The following STX18 variants were observed in gnomAD, a reference collection of about 807,000 sequenced individuals.
STX18 encodes syntaxin 18.
STX18 carries 40 observed loss-of-function variants against 50.1 expected under a neutral mutation model. That is an observed-to-expected ratio of 0.80 (90% CI 0.62 to 1.04). STX18 has a LOEUF of 1.04. Among genes scored for constraint, STX18 ranks in the 50% least tolerant of loss-of-function variants. The pLI is 0.00. For missense variants in STX18, 410 were observed against 415.8 expected (o/e 0.99, Z 0.12); for synonymous variants, 158 against 151.8 (o/e 1.04, Z -0.30).
At chr4:4,468,525 A>T (rs1727740829) in intron 2 of STX18, among the ~76,000 whole-genome samples, 1 of 152,044 alleles carries the variant, frequency 6.6e-6, no homozygotes, top group South Asian at 2.1e-4. Context: ...TCTGGAAATA[A>T]AGTCACCTTC....
At chr4:4,488,966 T>C (rs528075984) in intron 1 of STX18, among the ~76,000 whole-genome samples, 3 of 152,310 alleles carry the variant, frequency 2.0e-5, no homozygotes, top group African/African-American at 7.2e-5. Flanking sequence ...TCCATTCTGC[T>C]TGTCAGATGT....
chr4:4,447,991 A>G (rs1726522023), intron 5 of STX18, among the ~76,000 whole-genome samples: 1 of 151,972 alleles, frequency 6.6e-6, no homozygotes, highest in Non-Finnish European at 1.5e-5. Context: ...TGCTGGCCCA[A>G]CTAGCTGCTG....
chr4:4,510,453 T>C (rs1729942866), intron 1 of STX18, among the ~76,000 whole-genome samples: 1 of 152,114 alleles, frequency 6.6e-6, no homozygotes, highest in Non-Finnish European at 1.5e-5. Context: ...TTTTCATCAA[T>C]CTGTCCATCA....
At chr4:4,523,858 A>T (rs150431842) in intron 1 of STX18, among the ~76,000 whole-genome samples, 1 of 152,246 alleles carries the variant, frequency 6.6e-6, no homozygotes, top group East Asian at 1.9e-4. Context: ...AGATAATGCC[A>T]TTCCTCTCCC....
At chr4:4,507,440 TA>T (rs1729766943) in intron 1 of STX18, 1 of 759,904 alleles carries the variant, frequency 1.3e-6, no homozygotes, top group African/African-American at 1.7e-5. Flanking sequence ...GTCCGGCTAG[TA>T]TGCGAACTGG....
rs1730057791 is a variant in STX18 at position 4,512,705 on chromosome 4, A to G, written c.168+29092T>C. Reference sequence around the variant, plus strand: ...GGAAGCATGAGTTGGTAAGCAGGTAAGCAGAATACACAATATCTAAGCTTG... The same window carrying G: ...GGAAGCATGAGTTGGTAAGCAGGTAGGCAGAATACACAATATCTAAGCTTG... On this transcript the variant is annotated intron_variant, in intron 1 of 10. Transcript: ENST00000306200. 1.3e-5 allele frequency among the ~76,000 whole-genome samples: 2 copies of G among 152,182 alleles called. 1 individual carries two copies. Among genetic ancestry groups the G allele is most frequent in the Admixed American group, 1.3e-4 (2 of 15,266 alleles).
At chr4:4,429,761 A>G (rs937974946) in intron 7 of STX18, among the ~76,000 whole-genome samples, 7 of 152,122 alleles carry the variant, frequency 4.6e-5, no homozygotes, top group Admixed American at 2.0e-4. Flanking sequence ...TCCAGCTCTC[A>G]CTATGTGGTA....
At chr4:4,460,996 C>G (rs549485160) in intron 2 of STX18, among the ~76,000 whole-genome samples, 1 of 152,254 alleles carries the variant, frequency 6.6e-6, no homozygotes, top group Admixed American at 6.5e-5. Context: ...GGGTCAGGGA[C>G]AAATGAGTCA....
At chr4:4,484,398 G>A (rs1006985024) in intron 1 of STX18, among the ~76,000 whole-genome samples, 5 of 152,174 alleles carry the variant, frequency 3.3e-5, no homozygotes, top group Admixed American at 2.0e-4. Context: ...ACTGAGTCGA[G>A]CTGAATTTAC....
At chr4:4,529,892 C>T (rs1731015100) in intron 1 of STX18, among the ~76,000 whole-genome samples, 1 of 152,146 alleles carries the variant, frequency 6.6e-6, no homozygotes, top group Non-Finnish European at 1.5e-5. Flanking sequence ...GACATCAATG[C>T]AACATTTGTG....
At chr4:4,527,369 TA>T (rs1730818266) in intron 1 of STX18, among the ~76,000 whole-genome samples, 1 of 152,262 alleles carries the variant, frequency 6.6e-6, no homozygotes, top group Non-Finnish European at 1.5e-5. Flanking sequence ...TAACATTTTT[TA>T]AAACTTTCTA....
chr4:4,540,805 T>C (rs1731551140), intron 1 of STX18, among the ~76,000 whole-genome samples: 1 of 152,240 alleles, frequency 6.6e-6, no homozygotes, highest in Non-Finnish European at 1.5e-5. Context: ...CATGCATGAC[T>C]ACATTCATTC....
rs1158377311 is a variant in STX18, at chr4:4,541,972, C to T, written c.-8G>A. 6.3e-7 allele frequency: 1 copy of T among 1,597,564 alleles called. No individual in the cohort carries two copies. The highest frequency in any genetic ancestry group is 2.3e-5 in the East Asian group (1 of 43,706). On this transcript the variant is annotated 5_prime_UTR_variant, in exon 1 of 11. Transcript: ENST00000306200. ...CGTGATGTCCACCGCCATAGCGACC[C>T]GCACCCTCAGCCCCACACTAGGCCC...
rs965116951 is a variant in STX18 at position 4,419,458 on chromosome 4, A to G, written c.*576T>C. The G allele has an allele frequency of 7.9e-5, 12 of 152,204 alleles. No homozygotes were observed. Among genetic ancestry groups the G allele is most frequent in the African/African-American group, 2.9e-4 (12 of 41,408 alleles). 9.4% of individuals were successfully genotyped at this position (152,204 alleles called of 1,614,324 possible). On this transcript the variant is annotated 3_prime_UTR_variant, in exon 11 of 11. Transcript: ENST00000306200. ...GCTGCCACTGAATTTGTCAACTTAGACTCATTGACAACACATTAAGGGGCT... is the reference window on the plus strand; with the variant it reads ...GCTGCCACTGAATTTGTCAACTTAGGCTCATTGACAACACATTAAGGGGCT...
chr4:4,494,062 G>A lies in STX18; in HGVS notation c.169-22356C>T, dbSNP rs543744962. On this transcript the variant is annotated intron_variant, in intron 1 of 10. Coordinates refer to ENST00000306200, the MANE Select transcript of STX18 (RefSeq NM_016930.4). ...GTATCCTTTAGGATTTTATCTCAAA[G>A]TCTTACACTGGGGTCAGGTAAGCTA... Among the ~76,000 whole-genome samples, 13 of 152,246 alleles carry A rather than the reference G, an allele frequency of 8.5e-5. No individual in the cohort carries two copies. In the South Asian group the frequency reaches 2.5e-3, roughly 29 times the overall value.
Position 4,423,597 on chromosome 4 carries a change from AAG to A in STX18, c.762-12_762-11del, listed in dbSNP as rs1560155250. The A allele has an allele frequency of 6.2e-7, 1 of 1,613,622 alleles. No homozygotes were observed. The highest frequency in any genetic ancestry group is 1.3e-5 in the African/African-American group (1 of 74,928). ...TCTCCCTTCGATTTGCCTTCATAAA[AAG>A]AACAGATTACATATTAACTATTAGC... is the stretch of plus-strand genomic sequence containing the variant. On this transcript the variant is annotated splice_polypyrimidine_tract_variant and intron_variant, in intron 8 of 10. Coordinates refer to ENST00000306200, the MANE Select transcript of STX18 (RefSeq NM_016930.4).
At chr4:4,464,580 C>T (rs1727530039) in intron 2 of STX18, among the ~76,000 whole-genome samples, 1 of 152,200 alleles carries the variant, frequency 6.6e-6, no homozygotes, top group Non-Finnish European at 1.5e-5. Flanking sequence ...TCAAATGTCA[C>T]TTCTTTAAGG....
At chr4:4,464,031 TAA>T in intron 2 of STX18, among the ~76,000 whole-genome samples, 1 of 152,112 alleles carries the variant, frequency 6.6e-6, no homozygotes, top group Non-Finnish European at 1.5e-5. Flanking sequence ...TTGACAAAGT[TAA>T]AAAAAAGCAG....
At chr4:4,427,655 G>T (rs1438078011) in intron 7 of STX18, among the ~76,000 whole-genome samples, 2 of 152,202 alleles carry the variant, frequency 1.3e-5, no homozygotes, top group Non-Finnish European at 2.9e-5. Context: ...GTGGTTTGGG[G>T]TGATTCATTC....
Sources: gnomAD v4.1 joint callset for allele counts (sites outside exome capture counted in the v4.1 genomes callset) on GRCh38, gnomAD v4.1.1 for gene constraint, MANE v1.5 for transcripts, NCBI Gene and HGNC (gene_info 2026-07-23, HGNC 2026-07-21) for gene names.